GRK5: variants seen among roughly 807,000 people sequenced by gnomAD.
The protein encoded by GRK5 is G protein-coupled receptor kinase 5, also known as g protein-coupled receptor kinase GRK5.
Under a neutral mutation model 78.4 loss-of-function variants are expected in GRK5, and 40 were observed. That is an observed-to-expected ratio of 0.51 (90% CI 0.40 to 0.66). The LOEUF is 0.66. Ranked by LOEUF, GRK5 falls within the 30% of genes least tolerant of loss-of-function variation. The pLI is 0.00. For missense variants in GRK5, 598 were observed against 759.9 expected, an observed-to-expected ratio of 0.79 and a Z score of 2.50; for synonymous variants, 289 against 296.8, an observed-to-expected ratio of 0.97 and a Z score of 0.27.
At chr10:119,309,116 C>T (rs1202303723) in intron 1 of GRK5, among the ~76,000 whole-genome samples, 1 of 152,194 alleles carries the variant, frequency 6.6e-6, no homozygotes, top group Non-Finnish European at 1.5e-5. Context: ...GCGTGAGGGA[C>T]CGTGTGGTCT....
intron 2 of GRK5, among the ~76,000 whole-genome samples, chr10:119,368,788 C>T (rs1392889154): frequency 6.6e-6 from 1 of 152,254 alleles, no homozygotes; most frequent in African/African-American, 2.4e-5. Flanking sequence ...GGCAGCCTGG[C>T]CCAGCCTTGC....
chr10:119,263,498 G>A (rs1386446337), intron 1 of GRK5, among the ~76,000 whole-genome samples: 1 of 152,202 alleles, frequency 6.6e-6, no homozygotes, highest in Non-Finnish European at 1.5e-5. Context: ...GGCAAACAGG[G>A]ATGGATGATT....
At chr10:119,385,967 C>T (rs1241737564) in intron 3 of GRK5, among the ~76,000 whole-genome samples, 2 of 152,076 alleles carry the variant, frequency 1.3e-5, no homozygotes, top group East Asian at 3.9e-4. Flanking sequence ...TCACTGCAAC[C>T]TCTGCCTCCC....
intron 2 of GRK5, among the ~76,000 whole-genome samples, chr10:119,364,450 C>T (rs1031737284): frequency 7.9e-5 from 12 of 152,174 alleles, no homozygotes; most frequent in Admixed American, 5.9e-4. Context: ...AATCTCTGTC[C>T]TGGTGGTGGT....
At chr10:119,323,287 G>C (rs1467402001) in intron 1 of GRK5, among the ~76,000 whole-genome samples, 1 of 152,200 alleles carries the variant, frequency 6.6e-6, no homozygotes, top group Non-Finnish European at 1.5e-5. Context: ...CTAAATAATG[G>C]TTAAACTGGT....
intron 4 of GRK5, among the ~76,000 whole-genome samples, chr10:119,399,059 C>CCCTA (rs1852103929): frequency 6.6e-6 from 1 of 152,226 alleles, no homozygotes; most frequent in South Asian, 2.1e-4. Context: ...CTCCAGACCT[C>CCCTA]CCTAGCTCTG....
intron 11 of GRK5, among the ~76,000 whole-genome samples, chr10:119,442,299 C>T (rs1393731559): frequency 6.6e-6 from 1 of 152,260 alleles, no homozygotes; most frequent in Non-Finnish European, 1.5e-5. Context: ...CTGCTCTGAG[C>T]TCTCTGCACT....
chr10:119,407,477 G>A lies in GRK5; in HGVS notation c.339+10705G>A, dbSNP rs1050888931. Among the ~76,000 whole-genome samples the A allele has an allele frequency of 4.6e-5, 7 of 152,230 alleles. No individual in the cohort carries two copies. In the East Asian group the frequency reaches 5.8e-4, roughly 13 times the overall value. ...TAAGTGTCTAAATGCTGAGACATTC[G>A]TAATGTCTGTGCAAAGCAGAGAAGT... On this transcript the variant is annotated intron_variant, in intron 4 of 15. Transcript: ENST00000392870.
intron 1 of GRK5, among the ~76,000 whole-genome samples, chr10:119,230,855 AG>A (rs1848816880): frequency 4.4e-5 from 6 of 137,506 alleles, no homozygotes; most frequent in Admixed American, 7.4e-5. Context: ...AAAAAAAAAG[AG>A]CCACTGAGAG....
At chr10:119,394,410 G>C (rs1265742528) in intron 3 of GRK5, among the ~76,000 whole-genome samples, 2 of 56,724 alleles carry the variant, frequency 3.5e-5, no homozygotes, top group African/African-American at 7.1e-5. Flanking sequence ...GTGGGCATGT[G>C]TGTGGGGGTG....
chr10:119,241,051 C>T (rs564545680), intron 1 of GRK5, among the ~76,000 whole-genome samples: 14 of 152,290 alleles, frequency 9.2e-5, no homozygotes, highest in African/African-American at 3.1e-4. Flanking sequence ...TCTCCTTAAC[C>T]GTGGACTATT....
At chr10:119,268,730 A>C (rs2133669102) in intron 1 of GRK5, among the ~76,000 whole-genome samples, 1 of 152,324 alleles carries the variant, frequency 6.6e-6, no homozygotes, top group Middle Eastern at 3.4e-3. Flanking sequence ...CATCACTATC[A>C]TTCTCGTCAT....
intron 1 of GRK5, among the ~76,000 whole-genome samples, chr10:119,232,262 G>A (rs899077771): frequency 9.9e-5 from 15 of 152,138 alleles, no homozygotes; most frequent in Non-Finnish European, 1.5e-4. Flanking sequence ...TCACTTATAC[G>A]TGGAAGCTAA....
rs1268825970 is a variant in GRK5 at position 119,455,085 on chromosome 10, A to G, written c.*18A>G. ...GCAGCTAGTTTCGGCTCTGGCCTCC[A>G]AGTCCACAGTGGAACCAGCCCAGAC... On this transcript the variant is annotated 3_prime_UTR_variant, in exon 16 of 16. Coordinates refer to ENST00000392870, the MANE Select transcript of GRK5 (RefSeq NM_005308.3). The G allele has an allele frequency of 1.0e-5, 16 of 1,578,886 alleles. No homozygotes were observed. The highest frequency in any genetic ancestry group is 1.4e-5 in the Non-Finnish European group (16 of 1,148,078).
chr10:119,300,497 T>G (rs904624030), intron 1 of GRK5, among the ~76,000 whole-genome samples: 1 of 152,218 alleles, frequency 6.6e-6, no homozygotes, highest in African/African-American at 2.4e-5. Flanking sequence ...CTCAGTCTAA[T>G]GAAAGACATC....
intron 1 of GRK5, among the ~76,000 whole-genome samples, chr10:119,307,886 A>G (rs1459912484): frequency 6.6e-6 from 1 of 152,098 alleles, no homozygotes; most frequent in Non-Finnish European, 1.5e-5. Flanking sequence ...TTTTCTAGGA[A>G]GCCTTTTAAA....
In GRK5 at chr10:119,430,386, C is replaced by T. The variant is rs1314770270; in HGVS notation, c.545C>T (p.Thr182Ile). 4 of 1,613,464 alleles carry T rather than the reference C, an allele frequency of 2.5e-6. No homozygotes were observed. The East Asian group carries it at 8.9e-5, about 36-fold the overall frequency. ...QWKWLERQPV[T>I]KNTFRQYRVL... Reference sequence around the variant, plus strand: ...CTTCTTTCTTCCAGGCAACCGGTGACCAAAAACACTTTCAGGCAGTATCGA... The same window carrying T: ...CTTCTTTCTTCCAGGCAACCGGTGATCAAAAACACTTTCAGGCAGTATCGA... The change falls in exon 7 of 16, where the codon ACC becomes ATC. Residue 182 changes from threonine (T) to isoleucine (I), a missense_variant. By Grantham distance (89) the Thr-to-Ile change is moderately conservative. Transcript: ENST00000392870. This position sits in a 1 kb window ranked among gnomAD's most constrained non-coding sequence, Gnocchi z 4.5.
chr10:119,259,835 G>A (rs961756309), intron 1 of GRK5, among the ~76,000 whole-genome samples: 2 of 152,094 alleles, frequency 1.3e-5, no homozygotes, highest in Admixed American at 6.5e-5. Flanking sequence ...TATGGCTAGC[G>A]GCTACCATAG....
intron 3 of GRK5, among the ~76,000 whole-genome samples, chr10:119,395,490 A>G (rs1335266501): frequency 1.3e-5 from 2 of 152,094 alleles, no homozygotes; most frequent in East Asian, 1.9e-4. Context: ...TGCTGGTGTC[A>G]TTTCCTTCCT....
Sources: gnomAD v4.1 joint callset for allele counts (sites outside exome capture counted in the v4.1 genomes callset) on GRCh38, gnomAD v4.1.1 for gene constraint, Gnocchi (gnomAD v3.1) non-coding constraint, MANE v1.5 for transcripts, NCBI Gene and HGNC (gene_info 2026-07-23, HGNC 2026-07-21) for gene names.